Variants in AOPEP observed in about 807,000 individuals in gnomAD.
AOPEP encodes aminopeptidase O.
A neutral mutation model predicts 98.1 loss-of-function variants in AOPEP; 77 were observed. That is an observed-to-expected ratio of 0.78 (90% confidence interval 0.65 to 0.95). The LOEUF is 0.95. Ranked by LOEUF, AOPEP falls within the 40% of genes least tolerant of loss-of-function variation. The probability of loss-of-function intolerance (pLI) is 0.00; values close to 1 mark genes in which losing one functional copy is unlikely to be tolerated. For missense variants in AOPEP, 1,024 were observed against 1,024.7 expected, an observed-to-expected ratio of 1.00 and a Z score of 0.01; for synonymous variants, 346 against 365.3, an observed-to-expected ratio of 0.95 and a Z score of 0.60.
rs542355300 is a variant in AOPEP at position 95,083,436 on chromosome 9, A to G, written c.*4+717A>G. Reference sequence around the variant, plus strand: ...GCAGAGCACACACGGCACATGCAGCATACACACCAAACAGCGCACGCACCA... The same window carrying G: ...GCAGAGCACACACGGCACATGCAGCGTACACACCAAACAGCGCACGCACCA... On this transcript the variant is annotated intron_variant, in intron 16 of 16. Transcript: ENST00000375315. Among the ~76,000 whole-genome samples the G allele has an allele frequency of 2.8e-3, 405 of 142,676 alleles. 8 individuals carry two copies. Among genetic ancestry groups the G allele is most frequent in the South Asian group, 0.023 (99 of 4,326 alleles). 93.6% of individuals were successfully genotyped at this position (142,676 alleles called of 152,430 possible). A position where few individuals can be genotyped will look rare whatever the true frequency, so the allele number is the denominator to read the frequency against.
At chr9:94,944,669 A>G (rs892807261) in intron 7 of AOPEP, among the ~76,000 whole-genome samples, 3 of 152,136 alleles carry the variant, frequency 2.0e-5, no homozygotes, top group Non-Finnish European at 4.4e-5. Flanking sequence ...GGCTCAAACA[A>G]TCCTCCCACC....
At chr9:95,076,988 G>GC in intron 14 of AOPEP, among the ~76,000 whole-genome samples, 1 of 152,176 alleles carries the variant, frequency 6.6e-6, no homozygotes, top group Non-Finnish European at 1.5e-5. Flanking sequence ...GATCTCCAGT[G>GC]CAGGTACCTT....
intron 13 of AOPEP, among the ~76,000 whole-genome samples, chr9:95,043,366 T>TAG (rs2065533465): frequency 6.6e-6 from 1 of 151,910 alleles, no homozygotes; most frequent in Admixed American, 6.6e-5. Context: ...ATGAAGTTTC[T>TAG]GTTACACTGT....
chr9:95,034,508 A>G (rs1483880496), intron 13 of AOPEP, among the ~76,000 whole-genome samples: 1 of 152,242 alleles, frequency 6.6e-6, no homozygotes, highest in Non-Finnish European at 1.5e-5. Flanking sequence ...TACATGGGTC[A>G]GGAATGACAT....
intron 5 of AOPEP, among the ~76,000 whole-genome samples, chr9:94,899,950 TC>T (rs1253459624): frequency 3.3e-5 from 5 of 151,826 alleles, no homozygotes; most frequent in African/African-American, 4.8e-5. Flanking sequence ...ACCTGACCCC[TC>T]CCCCCCAGCC....
At chr9:94,733,236 G>A (rs968463907) in intron 1 of AOPEP, among the ~76,000 whole-genome samples, 3 of 151,162 alleles carry the variant, frequency 2.0e-5, no homozygotes, top group African/African-American at 7.3e-5. Context: ...CCTCCTGGGT[G>A]TCTGGGACTA....
chr9:94,775,878 C>T (rs566529501), intron 3 of AOPEP, among the ~76,000 whole-genome samples: 319 of 152,034 alleles, frequency 2.1e-3, no homozygotes, highest in African/African-American at 7.3e-3. Context: ...CCCAGCTACT[C>T]GGGAGGCTGA....
chr9:94,805,585 A>G (rs1309522715), intron 5 of AOPEP, among the ~76,000 whole-genome samples: 4 of 152,168 alleles, frequency 2.6e-5, no homozygotes, highest in Non-Finnish European at 4.4e-5. Context: ...AAATCTTCAC[A>G]ACATGCTTCA....
chr9:95,117,581 T>C, the AOPEP span, among the ~76,000 whole-genome samples: 3 of 127,652 alleles, frequency 2.4e-5, no homozygotes, highest in Admixed American at 8.6e-5. Context: ...AATTAACCTT[T>C]TTAAAGTCAC....
At chr9:94,979,290 G>A (rs2138677509) in intron 10 of AOPEP, 77 bp from the exon 11 acceptor site, 2 of 928,794 alleles carry the variant, frequency 2.2e-6, no homozygotes, top group Non-Finnish European at 3.4e-6. Flanking sequence ...GATGTACCCA[G>A]TTAGAGAGAA....
At chr9:94,964,758 G>A (rs1195944151) in intron 9 of AOPEP, among the ~76,000 whole-genome samples, 1 of 150,362 alleles carries the variant, frequency 6.7e-6, no homozygotes, top group Non-Finnish European at 1.5e-5. Context: ...TCCTGCCTCA[G>A]CCTCCCAAGT....
chr9:94,816,446 C>T (rs1442205640), intron 5 of AOPEP, among the ~76,000 whole-genome samples: 1 of 152,192 alleles, frequency 6.6e-6, no homozygotes, highest in Non-Finnish European at 1.5e-5. Flanking sequence ...CAACCTTTGG[C>T]TACATCATGC....
chr9:95,040,392 C>A (rs1480982708), intron 13 of AOPEP, among the ~76,000 whole-genome samples: 1 of 152,238 alleles, frequency 6.6e-6, no homozygotes, highest in Non-Finnish European at 1.5e-5. Flanking sequence ...ATATGTGATC[C>A]TGCTAATAAA....
the AOPEP span, chr9:95,111,115 C>T: frequency 1.4e-5 from 21 of 1,525,830 alleles, no homozygotes; most frequent in Non-Finnish European, 1.6e-5. Context: ...GCCGGCACAC[C>T]CCTCAGAACA....
intron 7 of AOPEP, among the ~76,000 whole-genome samples, chr9:94,942,681 C>A (rs1265385860): frequency 2.6e-5 from 4 of 151,832 alleles, no homozygotes; most frequent in Non-Finnish European, 5.9e-5. Context: ...CTAAGTAATC[C>A]TCCAAAAAAA....
the AOPEP span, among the ~76,000 whole-genome samples, chr9:95,130,172 A>G: frequency 1.3e-5 from 2 of 152,276 alleles, no homozygotes; most frequent in African/African-American, 4.8e-5. Flanking sequence ...TGTTATTTTC[A>G]TACCAACTCA....
At chr9:95,144,476 G>C in the AOPEP span, among the ~76,000 whole-genome samples, 1 of 152,212 alleles carries the variant, frequency 6.6e-6, no homozygotes, top group Non-Finnish European at 1.5e-5. Context: ...GCGTCCCTCT[G>C]AGCACTGTGC....
At chr9:94,880,636 A>T (rs886718096) in intron 5 of AOPEP, among the ~76,000 whole-genome samples, 2 of 152,186 alleles carry the variant, frequency 1.3e-5, no homozygotes, top group African/African-American at 4.8e-5. Flanking sequence ...GATTACAGGC[A>T]TGAGCCATCG....
intron 1 of AOPEP, among the ~76,000 whole-genome samples, chr9:94,745,879 A>G (rs1834360864): frequency 6.6e-6 from 1 of 152,166 alleles, no homozygotes; most frequent in Non-Finnish European, 1.5e-5. Context: ...TTTTGAGTAT[A>G]TACCTAGCAG....
Sources: allele counts gnomAD v4.1 joint callset (sites outside exome capture counted in the v4.1 genomes callset), GRCh38; gene constraint gnomAD v4.1.1; transcripts MANE v1.5; gene names NCBI Gene and HGNC (gene_info 2026-07-23, HGNC 2026-07-21).